Variants in THSD7A observed in about 807,000 individuals in gnomAD.
THSD7A encodes the protein thrombospondin type 1 domain containing 7A, also known as thrombospondin type-1 domain-containing protein 7A.
THSD7A carries 96 observed loss-of-function variants against 231.3 expected under a neutral mutation model. The ratio of observed to expected loss-of-function variants is 0.41; its 90% CI spans 0.35 to 0.49. The LOEUF is 0.49. Among genes scored for constraint, THSD7A ranks in the 20% least tolerant of loss-of-function variants. The probability of loss-of-function intolerance (pLI) is 0.05; values close to 1 mark genes in which losing one functional copy is unlikely to be tolerated. For missense variants in THSD7A, 2,290 were observed against 2,070.2 expected (o/e 1.11, Z -2.06); for synonymous variants, 940 against 743.3 (o/e 1.26, Z -4.30).
intron 1 of THSD7A, among the ~76,000 whole-genome samples, chr7:11,646,184 A>C (rs1191207385): frequency 2.0e-5 from 3 of 152,014 alleles, no homozygotes; most frequent in African/African-American, 7.2e-5. Context: ...TATCTATTAA[A>C]ATTTTAAAAA....
rs148930246 is a variant in THSD7A at position 11,500,202 on chromosome 7, T to G, written c.1823-18220A>C. Reference sequence around the variant, plus strand: ...AAGAAAAGAAAAAAAAATCTTCAACTAACACTTTCAAATCTAGCCAAACTA... The same window carrying G: ...AAGAAAAGAAAAAAAAATCTTCAACGAACACTTTCAAATCTAGCCAAACTA... On this transcript the variant is annotated intron_variant, in intron 6 of 27. Coordinates refer to ENST00000423059, the MANE Select transcript of THSD7A (RefSeq NM_015204.3). 7.4e-4 allele frequency among the ~76,000 whole-genome samples: 113 copies of G among 152,246 alleles called. 1 individual carries two copies. Among genetic ancestry groups the G allele is most frequent in the African/African-American group, 2.7e-3 (111 of 41,546 alleles).
At chr7:11,599,282 G>C (rs1562758451) in intron 2 of THSD7A, among the ~76,000 whole-genome samples, 1 of 152,136 alleles carries the variant, frequency 6.6e-6, no homozygotes, top group Non-Finnish European at 1.5e-5. Context: ...TGAAAGTTTG[G>C]GTCACTCCAC....
chr7:11,503,852 T>G (rs543968422), intron 6 of THSD7A, among the ~76,000 whole-genome samples: 4 of 152,236 alleles, frequency 2.6e-5, no homozygotes, highest in Admixed American at 2.6e-4. Context: ...TGCTTATACA[T>G]TGTTGGTAGA....
At chr7:11,549,120 T>C (rs1033480714) in intron 4 of THSD7A, among the ~76,000 whole-genome samples, 1 of 152,144 alleles carries the variant, frequency 6.6e-6, no homozygotes, top group Non-Finnish European at 1.5e-5. Context: ...AAGACACTCA[T>C]GCAGCCAACA....
chr7:11,823,390 C>T (rs1273169646), intron 1 of THSD7A, among the ~76,000 whole-genome samples: 1 of 151,760 alleles, frequency 6.6e-6, no homozygotes, highest in Non-Finnish European at 1.5e-5. Flanking sequence ...GTAATGTGAT[C>T]TCTCCAGGTT....
At chr7:11,447,515 A>G in intron 11 of THSD7A, 91 bp from the exon 12 acceptor site, 2 of 1,127,482 alleles carry the variant, frequency 1.8e-6, no homozygotes, top group Non-Finnish European at 2.4e-6. Context: ...TTAAGCAGTC[A>G]GAGAAAGCCT....
At chr7:11,517,426 TA>T (rs35838306) in intron 6 of THSD7A, among the ~76,000 whole-genome samples, 5 of 149,170 alleles carry the variant, frequency 3.4e-5, no homozygotes, top group East Asian at 3.9e-4. Flanking sequence ...TTTAAAGAGT[TA>T]AAAAAAAAAG....
chr7:11,425,648 G>A (rs1784293178), intron 15 of THSD7A, among the ~76,000 whole-genome samples: 1 of 151,622 alleles, frequency 6.6e-6, no homozygotes, highest in Admixed American at 6.6e-5. Flanking sequence ...TTAATCCATT[G>A]CAACCAAGCT....
chr7:11,530,428 G>C (rs922625630), intron 6 of THSD7A, among the ~76,000 whole-genome samples: 1 of 152,130 alleles, frequency 6.6e-6, no homozygotes, highest in Non-Finnish European at 1.5e-5. Flanking sequence ...AAAGGAATTA[G>C]TTATGGTTCA....
chr7:11,666,688 C>A (rs934488706), intron 1 of THSD7A, among the ~76,000 whole-genome samples: 2 of 150,240 alleles, frequency 1.3e-5, no homozygotes, highest in Admixed American at 6.7e-5. Context: ...TTTTTTGATT[C>A]CTTAAGAAAT....
chr7:11,726,776 A>G (rs908894099), intron 1 of THSD7A, among the ~76,000 whole-genome samples: 4 of 152,036 alleles, frequency 2.6e-5, no homozygotes, highest in Admixed American at 2.0e-4. Context: ...TTTCCCACTT[A>G]CATCGTCTTC....
intron 1 of THSD7A, among the ~76,000 whole-genome samples, chr7:11,776,931 T>C (rs1472562721): frequency 6.6e-6 from 1 of 152,176 alleles, no homozygotes; most frequent in African/African-American, 2.4e-5. Context: ...TTTTGAAACA[T>C]TGCTGTAGAT....
chr7:11,802,076 G>A (rs1784292422), intron 1 of THSD7A, among the ~76,000 whole-genome samples: 1 of 152,144 alleles, frequency 6.6e-6, no homozygotes, highest in Admixed American at 6.5e-5. Context: ...TCCGTCACAA[G>A]GCTGACAATT....
chr7:11,438,756 G>T (rs918923823), intron 13 of THSD7A, among the ~76,000 whole-genome samples: 1 of 151,904 alleles, frequency 6.6e-6, no homozygotes, highest in Non-Finnish European at 1.5e-5. Context: ...CAGTACCAAG[G>T]CCTGGTAATT....
At chr7:11,511,169 G>A (rs11976263) in intron 6 of THSD7A, among the ~76,000 whole-genome samples, 2,573 of 152,004 alleles carry the variant, frequency 0.017, 64 homozygotes, top group African/African-American at 0.057. Context: ...ATCATCAGTG[G>A]ACTCCCATTC....
intron 1 of THSD7A, among the ~76,000 whole-genome samples, chr7:11,728,933 T>A (rs1009511022): frequency 1.3e-5 from 2 of 151,796 alleles, no homozygotes; most frequent in Admixed American, 1.3e-4. Flanking sequence ...TTACAGAAAT[T>A]TCCTAAAGTA....
intron 1 of THSD7A, among the ~76,000 whole-genome samples, chr7:11,794,898 G>C (rs954774145): frequency 5.9e-5 from 9 of 151,864 alleles, no homozygotes; most frequent in African/African-American, 2.2e-4. Flanking sequence ...CACACAGATG[G>C]AATAGAAACA....
chr7:11,635,579 T>C (rs930460344), intron 2 of THSD7A, among the ~76,000 whole-genome samples: 1 of 152,218 alleles, frequency 6.6e-6, no homozygotes, highest in Non-Finnish European at 1.5e-5. Flanking sequence ...TACCCTCTAC[T>C]TACCTTATTT....
intron 16 of THSD7A, 53 bp from the exon 17 acceptor site, chr7:11,417,656 A>C (rs1393081568): frequency 1.9e-6 from 3 of 1,549,916 alleles, no homozygotes; most frequent in Admixed American, 4.0e-5. Context: ...TCTAGAAGTA[A>C]AGAAAACAGG....
Sources: allele counts gnomAD v4.1 joint callset (sites outside exome capture counted in the v4.1 genomes callset), GRCh38; gene constraint gnomAD v4.1.1; transcripts MANE v1.5; gene names NCBI Gene and HGNC (gene_info 2026-07-23, HGNC 2026-07-21).